The following KANK1 variants were observed in gnomAD, a reference collection of about 807,000 sequenced individuals.
The protein encoded by KANK1 is KN motif and ankyrin repeat domains 1.
Under a neutral mutation model 106.2 loss-of-function variants are expected in KANK1, and 109 were observed. The ratio of observed to expected loss-of-function variants is 1.03; its 90% CI spans 0.88 to 1.20. The LOEUF (loss-of-function observed/expected upper bound fraction) is 1.20, where lower values mean the gene tolerates loss of function less well. Ranked by LOEUF, KANK1 falls within the 50% of genes most tolerant of loss-of-function variation. KANK1 has a pLI of 0.00. For synonymous variants in KANK1, 873 were observed against 652.2 expected, an observed-to-expected ratio of 1.34 and a Z score of -5.16; for missense variants, 2,399 against 1,710.7, an observed-to-expected ratio of 1.40 and a Z score of -7.10.
chr9:494,455 A>G (rs982066890), intron 3 of KANK1, among the ~76,000 whole-genome samples: 13 of 152,308 alleles, frequency 8.5e-5, no homozygotes, highest in African/African-American at 2.2e-4. Context: ...GCTACCTCCA[A>G]TAGTCCCTTT....
intron 1 of KANK1, among the ~76,000 whole-genome samples, chr9:511,585 G>C (rs1000394201): frequency 6.6e-6 from 1 of 151,696 alleles, no homozygotes; most frequent in Non-Finnish European, 1.5e-5. Context: ...CACCTGTCCA[G>C]ACTCAAGAAC....
chr9:527,746 A>G (rs1158546817), intron 1 of KANK1, among the ~76,000 whole-genome samples: 1 of 147,556 alleles, frequency 6.8e-6, no homozygotes, highest in Non-Finnish European at 1.5e-5. Context: ...CCAGGTGTAC[A>G]GTTCTAGTTT....
intron 1 of KANK1, among the ~76,000 whole-genome samples, chr9:672,546 C>CATCAATATTACG (rs1554676466): frequency 9.7e-6 from 1 of 102,784 alleles, no homozygotes; most frequent in Admixed American, 1.0e-4. Flanking sequence ...TCAACATTAC[C>CATCAATATTACG]ATCAATATTA....
intron 3 of KANK1, among the ~76,000 whole-genome samples, chr9:493,961 C>G (rs1444689914): frequency 6.6e-6 from 1 of 151,984 alleles, no homozygotes; most frequent in African/African-American, 2.4e-5. Context: ...CGGCTCACCA[C>G]AACTTACACC....
intron 3 of KANK1, among the ~76,000 whole-genome samples, chr9:486,935 A>G (rs1033988975): frequency 6.6e-6 from 1 of 152,206 alleles, no homozygotes; most frequent in South Asian, 2.1e-4. Context: ...AAAAAACTAG[A>G]TGACTGCTCT....
chr9:609,872 C>A (rs1051273424), intron 1 of KANK1, among the ~76,000 whole-genome samples: 3 of 152,024 alleles, frequency 2.0e-5, no homozygotes, highest in African/African-American at 7.2e-5. Flanking sequence ...TTTAAAATTT[C>A]AAATTACGTA....
intron 1 of KANK1, among the ~76,000 whole-genome samples, chr9:628,953 G>A (rs139154461): frequency 0.012 from 1,769 of 149,840 alleles, 23 homozygotes; most frequent in Middle Eastern, 0.065. Context: ...GGTGATGGGC[G>A]CCTGTAATCC....
At chr9:577,602 C>G (rs906007895) in intron 1 of KANK1, among the ~76,000 whole-genome samples, 3 of 152,186 alleles carry the variant, frequency 2.0e-5, no homozygotes, top group African/African-American at 4.8e-5. Context: ...TGTGCCCACC[C>G]TTCAGACTTC....
intron 1 of KANK1, among the ~76,000 whole-genome samples, chr9:568,337 A>G (rs1818317257): frequency 6.6e-6 from 1 of 152,240 alleles, no homozygotes; most frequent in Admixed American, 6.5e-5. Flanking sequence ...GCATTTCCTT[A>G]ATCTTCATAA....
At chr9:634,374 G>C (rs538659044) in intron 1 of KANK1, among the ~76,000 whole-genome samples, 5 of 152,274 alleles carry the variant, frequency 3.3e-5, no homozygotes, top group African/African-American at 1.2e-4. Flanking sequence ...CCTGGCTCCC[G>C]GTGGGGTCAC....
At chr9:685,925 A>G (rs111565682) in intron 2 of KANK1, among the ~76,000 whole-genome samples, 2,301 of 152,248 alleles carry the variant, frequency 0.015, 68 homozygotes, top group African/African-American at 0.052. Flanking sequence ...TGCCCAGTTT[A>G]CTGAGTGCCT....
At chr9:647,108 T>G (rs772125915) in intron 1 of KANK1, among the ~76,000 whole-genome samples, 5 of 151,080 alleles carry the variant, frequency 3.3e-5, no homozygotes, top group African/African-American at 9.9e-5. Flanking sequence ...AAGCCATAGG[T>G]GGGGAGTGGG....
chr9:730,186 C>G lies in KANK1; in HGVS notation c.2834C>G (p.Thr945Ser). 1.2e-6 allele frequency: 2 copies of G among 1,614,228 alleles called. No homozygotes were observed. Among genetic ancestry groups the G allele is most frequent in the Non-Finnish European group, 1.7e-6 (2 of 1,180,032 alleles). Residue 945 changes from threonine (T) to serine (S), a missense_variant, in exon 4 of 12, where the codon ACT becomes AGT. Transcript: ENST00000382297. ...ATCAGCAGCCTGGATGCCTTCCCCA[C>G]TCAGGAAGGTACGCTGTCTCCAGTG... The part of the protein sequence containing the change: ...KPISSLDAFP[T>S]QEGTLSPVNL...
At chr9:567,992 TG>T (rs1818231859) in intron 1 of KANK1, among the ~76,000 whole-genome samples, 4 of 149,616 alleles carry the variant, frequency 2.7e-5, no homozygotes, top group East Asian at 2.1e-4. Context: ...TTGGCATTGT[TG>T]GTTTTTTTTT....
intron 11 of KANK1, chr9:744,903 C>G (rs1373932231): frequency 5.6e-6 from 8 of 1,416,566 alleles, no homozygotes; most frequent in African/African-American, 4.3e-5. Context: ...ATGGTTCTGG[C>G]ATTGTTCCTG....
At chr9:632,676 G>C (rs1021816542) in intron 1 of KANK1, among the ~76,000 whole-genome samples, 3 of 152,042 alleles carry the variant, frequency 2.0e-5, no homozygotes, top group African/African-American at 7.2e-5. Context: ...GAGATAATGA[G>C]AGTGGTGTTT....
intron 1 of KANK1, among the ~76,000 whole-genome samples, chr9:667,689 A>T (rs758355255): frequency 2.7e-5 from 4 of 150,862 alleles, no homozygotes; most frequent in Non-Finnish European, 5.9e-5. Flanking sequence ...TTGTTTATTC[A>T]GGAGCATGTT....
At chr9:576,415 C>T (rs935556412) in intron 1 of KANK1, among the ~76,000 whole-genome samples, 2 of 152,194 alleles carry the variant, frequency 1.3e-5, no homozygotes, top group East Asian at 3.8e-4. Context: ...AGAAGAGGAA[C>T]CAATATTTGC....
At chr9:636,850 C>G (rs1336518979) in intron 1 of KANK1, among the ~76,000 whole-genome samples, 1 of 152,144 alleles carries the variant, frequency 6.6e-6, no homozygotes, top group African/African-American at 2.4e-5. Context: ...GGCGACAGCG[C>G]GAGACTCCGT....
Sources: allele counts gnomAD v4.1 joint callset (sites outside exome capture counted in the v4.1 genomes callset), GRCh38; gene constraint gnomAD v4.1.1; transcripts MANE v1.5; gene names NCBI Gene and HGNC (gene_info 2026-07-23, HGNC 2026-07-21).